DLG2: variants seen among roughly 807,000 people sequenced by gnomAD.
DLG2 encodes the protein disks large homolog 2.
A neutral mutation model predicts 132.5 loss-of-function variants in DLG2; 45 were observed. That is an observed-to-expected ratio of 0.34 (90% CI 0.27 to 0.44). The LOEUF (loss-of-function observed/expected upper bound fraction) is 0.44, where lower values mean the gene tolerates loss of function less well. DLG2 is among the 20% of genes least tolerant of loss of function. The pLI, the probability that DLG2 is intolerant of heterozygous loss-of-function variation, is 1.00. For missense variants in DLG2, 1,045 were observed against 1,196.9 expected (o/e 0.87, Z 1.87); for synonymous variants, 424 against 419.6 (o/e 1.01, Z -0.13).
At chr11:83,926,578 A>C (rs1257852632) in intron 15 of DLG2, among the ~76,000 whole-genome samples, 1 of 152,116 alleles carries the variant, frequency 6.6e-6, no homozygotes, top group Non-Finnish European at 1.5e-5. Context: ...GGCTTAGCTA[A>C]ATAAATTAAT....
chr11:85,154,044 A>G (rs1481695323), intron 5 of DLG2, among the ~76,000 whole-genome samples: 1 of 150,954 alleles, frequency 6.6e-6, no homozygotes, highest in Admixed American at 6.6e-5. Context: ...AAATACAAAT[A>G]TCCTTGCGAA....
Position 83,743,449 on chromosome 11 carries a change from T to TTTTTTTTTTTTTTTTTTTTTA in DLG2, c.1825+43240_1825+43241insTAAAAAAAAAAAAAAAAAAAA, listed in dbSNP as rs1555372680. Among the ~76,000 whole-genome samples, 203 of 124,058 alleles carry TTTTTTTTTTTTTTTTTTTTTA rather than the reference T, an allele frequency of 1.6e-3. 37 individuals are homozygous for TTTTTTTTTTTTTTTTTTTTTA. Among genetic ancestry groups the TTTTTTTTTTTTTTTTTTTTTA allele is most frequent in the African/African-American group, 6.4e-3 (154 of 24,098 alleles). 81.4% of individuals were successfully genotyped at this position (124,058 alleles called of 152,430 possible). Reference sequence around the variant, plus strand: ...AGGCCATTTTTTTTTTTTTTTTTTTTATGACAGGGTCTCACTTTGTCACCC... The same window carrying TTTTTTTTTTTTTTTTTTTTTA: ...AGGCCATTTTTTTTTTTTTTTTTTTTTTTTTTTTTTTTTTTTTTTTAATGACAGGGTCTCACTTTGTCACCC... On this transcript the variant is annotated intron_variant, in intron 18 of 27. Coordinates refer to ENST00000376104, the MANE Select transcript of DLG2 (RefSeq NM_001142699.3).
chr11:84,738,337 A>C (rs1427992508), intron 6 of DLG2, among the ~76,000 whole-genome samples: 1 of 151,872 alleles, frequency 6.6e-6, no homozygotes, highest in Non-Finnish European at 1.5e-5. Flanking sequence ...TAATGTATAT[A>C]CCCTCTAGAT....
intron 6 of DLG2, among the ~76,000 whole-genome samples, chr11:84,654,038 T>A (rs1034581198): frequency 4.6e-5 from 7 of 152,156 alleles, no homozygotes; most frequent in Admixed American, 3.3e-4. Flanking sequence ...GCTTTCTTAA[T>A]AGAATATGAA....
intron 7 of DLG2, among the ~76,000 whole-genome samples, chr11:84,441,329 T>C (rs923230763): frequency 2.0e-5 from 3 of 152,044 alleles, no homozygotes; most frequent in African/African-American, 7.2e-5. Context: ...AAATTTTTTC[T>C]CTTTCTAGAG....
In DLG2 at chr11:84,847,370, T is replaced by A. The variant is rs140749991; in HGVS notation, c.357+264291A>T. Among the ~76,000 whole-genome samples, 72 of 152,288 alleles carry A rather than the reference T, an allele frequency of 4.7e-4. 2 individuals carry two copies. Among genetic ancestry groups the A allele is most frequent in the African/African-American group, 1.7e-3 (70 of 41,568 alleles). Reference sequence around the variant, plus strand: ...CATGAAAAGTAGAAAATATAGCCAATGAACTTGTCTATTTAGTTAAGAAGA... The same window carrying A: ...CATGAAAAGTAGAAAATATAGCCAAAGAACTTGTCTATTTAGTTAAGAAGA... On this transcript the variant is annotated intron_variant, in intron 6 of 27. Transcript: ENST00000376104.
At chr11:83,744,721 T>C (rs1260490331) in intron 18 of DLG2, among the ~76,000 whole-genome samples, 3 of 152,136 alleles carry the variant, frequency 2.0e-5, no homozygotes, top group Non-Finnish European at 2.9e-5. Context: ...ACACAGAAAA[T>C]GCCTCATGAA....
At chr11:84,030,234 A>G (rs2095654892) in intron 11 of DLG2, among the ~76,000 whole-genome samples, 1 of 152,126 alleles carries the variant, frequency 6.6e-6, no homozygotes, top group Non-Finnish European at 1.5e-5. Flanking sequence ...CTACAGGTAG[A>G]CACTATTATT....
At chr11:83,900,817 T>C (rs1007706317) in intron 15 of DLG2, among the ~76,000 whole-genome samples, 1 of 152,176 alleles carries the variant, frequency 6.6e-6, no homozygotes, top group African/African-American at 2.4e-5. Context: ...AGAGAACCAC[T>C]GTCCTCTAGA....
At chr11:84,797,800 C>G (rs747303326) in intron 6 of DLG2, among the ~76,000 whole-genome samples, 1 of 152,076 alleles carries the variant, frequency 6.6e-6, no homozygotes, top group Non-Finnish European at 1.5e-5. Flanking sequence ...TTGAAGAGCT[C>G]GGGATTTCTT....
chr11:85,577,938 C>G (rs1198674916), intron 3 of DLG2, among the ~76,000 whole-genome samples: 1 of 151,878 alleles, frequency 6.6e-6, no homozygotes, highest in Non-Finnish European at 1.5e-5. Context: ...GCCAAGGCAA[C>G]CCTAAGCAAA....
intron 6 of DLG2, among the ~76,000 whole-genome samples, chr11:84,754,629 T>C (rs924517314): frequency 6.6e-6 from 1 of 151,330 alleles, no homozygotes; most frequent in African/African-American, 2.4e-5. Flanking sequence ...TTGGTAGGGG[T>C]TGGGAGGCTG....
intron 21 of DLG2, among the ~76,000 whole-genome samples, chr11:83,531,523 T>C (rs2095744282): frequency 6.6e-6 from 1 of 151,936 alleles, no homozygotes; most frequent in South Asian, 2.1e-4. Flanking sequence ...TATGGAGAAA[T>C]TGGGACCCTC....
intron 3 of DLG2, among the ~76,000 whole-genome samples, chr11:85,494,420 T>A (rs1411812924): frequency 6.6e-6 from 1 of 152,182 alleles, no homozygotes; most frequent in East Asian, 1.9e-4. Flanking sequence ...TTGGTTGATG[T>A]GGTAACTGGG....
At chr11:84,539,733 G>C (rs982990481) in intron 6 of DLG2, among the ~76,000 whole-genome samples, 5 of 152,126 alleles carry the variant, frequency 3.3e-5, no homozygotes, top group African/African-American at 1.2e-4. Flanking sequence ...AACCAAAGAG[G>C]AGCCCACATT....
At chr11:84,094,123 G>A (rs932327701) in intron 10 of DLG2, among the ~76,000 whole-genome samples, 1 of 152,092 alleles carries the variant, frequency 6.6e-6, no homozygotes, top group Non-Finnish European at 1.5e-5. Flanking sequence ...TAAAAACATG[G>A]ACACTGGAGT....
intron 7 of DLG2, among the ~76,000 whole-genome samples, chr11:84,452,112 C>CA (rs5793122): frequency 9.9e-4 from 119 of 120,114 alleles, no homozygotes; most frequent in South Asian, 6.3e-3. Context: ...GAAAGGTTAA[C>CA]AAAAAAAAAA....
chr11:83,481,006 G>A (rs1008400244), intron 22 of DLG2, among the ~76,000 whole-genome samples: 11 of 152,058 alleles, frequency 7.2e-5, no homozygotes, highest in Non-Finnish European at 1.0e-4. Flanking sequence ...AAATCTTTGA[G>A]GAAGATGTGA....
At chr11:84,687,651 T>G (rs1470226304) in intron 6 of DLG2, among the ~76,000 whole-genome samples, 1 of 152,198 alleles carries the variant, frequency 6.6e-6, no homozygotes, top group African/African-American at 2.4e-5. Context: ...ATGTACAAGG[T>G]CACCCTGCAC....
Sources: gnomAD v4.1 joint callset for allele counts (sites outside exome capture counted in the v4.1 genomes callset) on GRCh38, gnomAD v4.1.1 for gene constraint, MANE v1.5 for transcripts, NCBI Gene and HGNC (gene_info 2026-07-23, HGNC 2026-07-21) for gene names.